The following CLMN variants were observed in gnomAD, a reference collection of about 807,000 sequenced individuals.
CLMN encodes the protein calmin.
In CLMN, 57 loss-of-function variants were observed where a neutral mutation model predicts 92.7. That is an observed-to-expected ratio of 0.61 (90% CI 0.50 to 0.77). The LOEUF (loss-of-function observed/expected upper bound fraction) is 0.77. CLMN is among the 30% of genes least tolerant of loss of function. The pLI, the probability that CLMN is intolerant of heterozygous loss-of-function variation, is 0.00. For missense variants in CLMN, 1,158 were observed against 1,237.5 expected (o/e 0.94, Z 0.96); for synonymous variants, 466 against 470.6 (o/e 0.99, Z 0.13).
intron 1 of CLMN, among the ~76,000 whole-genome samples, chr14:95,275,367 T>C (rs1262460180): frequency 3.9e-5 from 6 of 152,072 alleles, no homozygotes; most frequent in African/African-American, 1.4e-4. Context: ...AAAATGACAA[T>C]GAAAGTGACC....
chr14:95,204,370 C>G lies in CLMN; in HGVS notation c.979G>C (p.Val327Leu). The change falls in exon 9 of 13, where the codon GTT becomes CTT. Residue 327 changes from valine to leucine, a missense_variant. Physicochemically the swap from Val to Leu is conservative, Grantham distance 32. Transcript: ENST00000298912. ...GTACGCTCCCCATTTTCAGTCAGAA[C>G]GAAGACTTTGCTCTCCTGTTCAGAA... ...TPSEQESKVF[V>L]LTENGERTYT... is the part of the protein sequence containing the mutation. The G allele has an allele frequency of 6.2e-6, 10 of 1,613,928 alleles. No individual in the cohort carries two copies. The highest frequency in any genetic ancestry group is 8.5e-6 in the Non-Finnish European group (10 of 1,179,986).
Position 95,259,313 on chromosome 14 carries a change from G to A in CLMN, c.83-29180C>T, listed in dbSNP as rs146355713. On this transcript the variant is annotated intron_variant, in intron 1 of 12. Coordinates refer to ENST00000298912, the MANE Select transcript of CLMN (RefSeq NM_024734.4). This position sits in a 1 kb window ranked among gnomAD's most constrained non-coding sequence, Gnocchi z 4.3. ...ACACATATGTTTGGTTGGGAGATGC[G>A]ACAGAGCTGACAGCAGGCTGGACCC... is the stretch of plus-strand genomic sequence containing the variant. 2.8e-3 allele frequency among the ~76,000 whole-genome samples: 428 copies of A among 152,158 alleles called. No individual in the cohort carries two copies. Among genetic ancestry groups the A allele is most frequent in the Non-Finnish European group, 4.6e-3 (312 of 67,986 alleles).
chr14:95,258,646 G>A (rs1436529583), intron 1 of CLMN, among the ~76,000 whole-genome samples: 1 of 144,866 alleles, frequency 6.9e-6, no homozygotes, highest in Non-Finnish European at 1.5e-5. Flanking sequence ...TGGTGTGTGT[G>A]TGGAGGGTGT....
At position 95,194,655 on chromosome 14, in the gene CLMN, G is replaced by T. The variant is rs1896652562; in HGVS notation, c.2709-59C>A. The T allele has an allele frequency of 6.6e-7, 1 of 1,526,402 alleles. No homozygotes were observed. The highest frequency in any genetic ancestry group is 9.1e-7 in the Non-Finnish European group (1 of 1,100,386). 94.6% of individuals were successfully genotyped at this position (1,526,402 alleles called of 1,614,324 possible). On this transcript the variant is annotated intron_variant, in intron 10 of 12. Transcript: ENST00000298912. This position sits in a 1 kb window ranked among gnomAD's most constrained non-coding sequence, Gnocchi z 4.0. ...ACCTGGAGCTCTTCATGGCTCAGTT[G>T]TACGGTCACCCCCATCCTGGGGTTT...
chr14:95,239,267 A>G lies in CLMN; in HGVS notation c.83-9134T>C, dbSNP rs7144864. ...TTGATGACTATACTCAGGCATAAAT[A>G]CTAAGACATAGACCTCATGGGCTTC... On this transcript the variant is annotated intron_variant, in intron 1 of 12. Transcript: ENST00000298912. 8.5e-5 allele frequency among the ~76,000 whole-genome samples: 13 copies of G among 152,206 alleles called. No homozygotes were observed. The South Asian group carries it at 2.7e-3, about 32-fold the overall frequency.
At chr14:95,291,593 G>A (rs1275950816) in intron 1 of CLMN, among the ~76,000 whole-genome samples, 1 of 152,152 alleles carries the variant, frequency 6.6e-6, no homozygotes, top group Non-Finnish European at 1.5e-5. Flanking sequence ...AACCTCGCTG[G>A]GGAATGGGGA....
In CLMN at chr14:95,245,218, A is replaced by AT. The variant is rs1320234541; in HGVS notation, c.83-15086dup. Among the ~76,000 whole-genome samples, 2 of 29,498 alleles carry AT rather than the reference A, an allele frequency of 6.8e-5. 1 individual carries two copies. The highest frequency in any genetic ancestry group is 4.2e-4 in the African/African-American group (2 of 4,726). 19.4% of individuals were successfully genotyped at this position (29,498 alleles called of 152,430 possible). ...TAATATATATATATATTATATATAT[A>AT]TATATATTATATATATATATTATAT... On this transcript the variant is annotated intron_variant, in intron 1 of 12. Coordinates refer to ENST00000298912, the MANE Select transcript of CLMN (RefSeq NM_024734.4).
chr14:95,202,046 G>T (rs1896900063), intron 9 of CLMN, among the ~76,000 whole-genome samples: 1 of 152,160 alleles, frequency 6.6e-6, no homozygotes, highest in Non-Finnish European at 1.5e-5. Flanking sequence ...ACATATGTGT[G>T]CATGTATGTC....
At chr14:95,206,512 C>T (rs757020178) in intron 8 of CLMN, among the ~76,000 whole-genome samples, 4 of 152,224 alleles carry the variant, frequency 2.6e-5, no homozygotes, top group Middle Eastern at 6.8e-3. Context: ...ATGTGCTGGG[C>T]CACAAAGCTA....
rs1465654453 is a variant in CLMN at position 95,319,736 on chromosome 14, G to A, written c.57C>T (p.Ser19=). 5.6e-6 allele frequency: 9 copies of A among 1,598,706 alleles called. No individual in the cohort carries two copies. The highest frequency in any genetic ancestry group is 6.8e-6 in the Non-Finnish European group (8 of 1,176,466). Residue 19 remains serine, a synonymous_variant, in exon 1 of 13, where the codon AGC becomes AGT. Coordinates refer to ENST00000298912, the MANE Select transcript of CLMN (RefSeq NM_024734.4). ...FQREELIGQI[S]DIRVQNLQVE... The stretch of plus-strand genomic sequence containing the variant: ...CTTGCAGGTTCTGCACTCGGATGTC[G>A]CTAATCTGCCCGATGAGCTCCTCGC...
intron 1 of CLMN, among the ~76,000 whole-genome samples, chr14:95,240,629 G>A (rs1010259976): frequency 2.0e-5 from 3 of 152,172 alleles, no homozygotes; most frequent in Non-Finnish European, 4.4e-5. Context: ...CAGTCACGTG[G>A]GGTGGTAATT....
chr14:95,304,802 C>T (rs560607510), intron 1 of CLMN, among the ~76,000 whole-genome samples: 10 of 152,100 alleles, frequency 6.6e-5, no homozygotes, highest in Non-Finnish European at 1.3e-4. Context: ...TCCTCACCCC[C>T]AGCAGCCTGG....
At chr14:95,271,313 A>G (rs1296740196) in intron 1 of CLMN, among the ~76,000 whole-genome samples, 1 of 152,192 alleles carries the variant, frequency 6.6e-6, no homozygotes, top group African/African-American at 2.4e-5. Flanking sequence ...ATTTTGATGA[A>G]ACCTGATTCA....
intron 1 of CLMN, among the ~76,000 whole-genome samples, chr14:95,289,136 C>A (rs934565941): frequency 3.1e-4 from 47 of 152,172 alleles, no homozygotes; most frequent in African/African-American, 1.1e-3. Context: ...GTGCACACAT[C>A]ACATACACCT....
At chr14:95,240,191 C>T (rs765988448) in intron 1 of CLMN, among the ~76,000 whole-genome samples, 11 of 152,172 alleles carry the variant, frequency 7.2e-5, no homozygotes, top group African/African-American at 1.4e-4. Context: ...TGTTGTGAAG[C>T]GATGTAGGAC....
intron 1 of CLMN, among the ~76,000 whole-genome samples, chr14:95,274,230 AT>A (rs1899832981): frequency 6.6e-6 from 1 of 151,858 alleles, no homozygotes; most frequent in Admixed American, 6.6e-5. Context: ...GCGCACCCAG[AT>A]TCCCCCGTCT....
At chr14:95,306,951 C>T (rs925731379) in intron 1 of CLMN, among the ~76,000 whole-genome samples, 4 of 152,126 alleles carry the variant, frequency 2.6e-5, no homozygotes, top group Non-Finnish European at 5.9e-5. Flanking sequence ...TATTTAGAGA[C>T]ATGGAAGAAA....
intron 6 of CLMN, among the ~76,000 whole-genome samples, chr14:95,211,306 C>T (rs1054439243): frequency 1.6e-4 from 24 of 152,194 alleles, no homozygotes; most frequent in Admixed American, 1.6e-3. Flanking sequence ...CCTCTCTGAG[C>T]CTCAAACTCC....
chr14:95,308,336 T>A (rs1901375018), intron 1 of CLMN, among the ~76,000 whole-genome samples: 1 of 152,188 alleles, frequency 6.6e-6, no homozygotes, highest in Admixed American at 6.5e-5. Context: ...GGGATCCAGT[T>A]TTCTTTCTGG....
Sources: gnomAD v4.1 joint callset for allele counts (sites outside exome capture counted in the v4.1 genomes callset) on GRCh38, gnomAD v4.1.1 for gene constraint, Gnocchi (gnomAD v3.1) non-coding constraint, MANE v1.5 for transcripts, NCBI Gene and HGNC (gene_info 2026-07-23, HGNC 2026-07-21) for gene names.